Variants in PLEKHG5 observed in about 807,000 individuals in gnomAD.
The protein encoded by PLEKHG5 is pleckstrin homology domain-containing family G member 5.
A neutral mutation model predicts 103.8 loss-of-function variants in PLEKHG5; 52 were observed. That is an observed-to-expected ratio of 0.50 (90% CI 0.40 to 0.63). The LOEUF (loss-of-function observed/expected upper bound fraction) is 0.63, where lower values mean the gene tolerates loss of function less well. PLEKHG5 is among the 30% of genes least tolerant of loss of function. The pLI is 0.00. For missense variants in PLEKHG5, 1,205 were observed against 1,347.6 expected, an observed-to-expected ratio of 0.89 and a Z score of 1.66; for synonymous variants, 592 against 575.5, an observed-to-expected ratio of 1.03 and a Z score of -0.41.
At chr1:6,515,310 G>C (rs565708414) in intron 1 of PLEKHG5, among the ~76,000 whole-genome samples, 1 of 151,290 alleles carries the variant, frequency 6.6e-6, no homozygotes, top group Non-Finnish European at 1.5e-5. Flanking sequence ...GGCAGATCAC[G>C]AGGTCGAGAG....
intron 1 of PLEKHG5, 100 bp from the exon 2 acceptor site, chr1:6,477,758 C>T: frequency 7.5e-7 from 1 of 1,326,206 alleles, no homozygotes; most frequent in East Asian, 2.4e-5. Flanking sequence ...TGCCCTCCAT[C>T]TCTCGATCCA....
upstream of PLEKHG5, among the ~76,000 whole-genome samples, chr1:6,494,118 A>ATTTTTT (rs36105555): frequency 1.3e-5 from 1 of 75,740 alleles, no homozygotes; most frequent in African/African-American, 1.0e-4. Context: ...CACCTGGCTA[A>ATTTTTT]TTTTTTTTTT....
upstream of PLEKHG5, among the ~76,000 whole-genome samples, chr1:6,500,525 C>A (rs973542739): frequency 6.6e-6 from 1 of 151,466 alleles, no homozygotes; most frequent in Non-Finnish European, 1.5e-5. Context: ...TGAACTCCCC[C>A]CTCCGCTAAG....
chr1:6,480,438 G>A (rs1644869618), intron 1 of PLEKHG5, among the ~76,000 whole-genome samples: 1 of 151,494 alleles, frequency 6.6e-6, no homozygotes, highest in African/African-American at 2.4e-5. Flanking sequence ...GCTGAGGCAG[G>A]AGAATTGCTT....
rs200779049 is a variant in PLEKHG5 at position 6,477,509 on chromosome 1, C to A, written c.43+20G>T. Reference sequence around the variant, plus strand: ...CACAGGAGCTCTGGGGGCCGAGCTGCGGCTCCCGCCTGTGCTCACCTTGTG... The same window carrying A: ...CACAGGAGCTCTGGGGGCCGAGCTGAGGCTCCCGCCTGTGCTCACCTTGTG... On this transcript the variant is annotated intron_variant, in intron 2 of 20. Coordinates refer to ENST00000377728, the MANE Select transcript of PLEKHG5 (RefSeq NM_020631.6). 1.6e-4 allele frequency: 255 copies of A among 1,600,102 alleles called. No individual in the cohort carries two copies. The highest frequency in any genetic ancestry group is 5.0e-5 in the Admixed American group (3 of 59,832).
chr1:6,472,378 C>T lies in PLEKHG5; in HGVS notation c.1080+149G>A, dbSNP rs984456290. 148 of 691,308 alleles carry T rather than the reference C, an allele frequency of 2.1e-4. 2 individuals are homozygous for T. The highest frequency in any genetic ancestry group is 2.7e-4 in the Non-Finnish European group (103 of 385,458). 42.8% of individuals were successfully genotyped at this position (691,308 alleles called of 1,614,324 possible). A position where few individuals can be genotyped will look rare whatever the true frequency, so the allele number is the denominator to read the frequency against. On this transcript the variant is annotated intron_variant, in intron 10 of 20. Transcript: ENST00000377728. ...CCTCCCAGGTTCCTCTAGGAGGCACCTCCTCCCTGGGCGCAGCCCTTGTCT... is the reference window on the plus strand; with the variant it reads ...CCTCCCAGGTTCCTCTAGGAGGCACTTCCTCCCTGGGCGCAGCCCTTGTCT...
chr1:6,478,180 G>A (rs763880772), intron 1 of PLEKHG5, among the ~76,000 whole-genome samples: 2 of 151,568 alleles, frequency 1.3e-5, no homozygotes, highest in Non-Finnish European at 2.9e-5. Context: ...CACCGCGCCC[G>A]GCTTCTCCAT....
rs1195069930 is a variant in PLEKHG5 at position 6,468,190 on chromosome 1, G to A, written c.2646C>T (p.Leu882=). 6 of 1,571,574 alleles carry A rather than the reference G, an allele frequency of 3.8e-6. No individual in the cohort carries two copies. In the South Asian group the frequency reaches 7.1e-5, roughly 19 times the overall value. ...TGCCAGCCCCTGCCAGCAGCTGGAG[G>A]AGGCTGGCCTCGGACTTAGACTTGA... ...HLLKSKSEAS[L]LQLLAGAGTH... The change falls in exon 20 of 21, where the codon CTC becomes CTT. Residue 882 remains leucine (L), a synonymous_variant. Transcript: ENST00000377728.
chr1:6,485,034 A>G (rs1644992780), intron 1 of PLEKHG5, among the ~76,000 whole-genome samples: 1 of 152,136 alleles, frequency 6.6e-6, no homozygotes, highest in South Asian at 2.1e-4. Context: ...GCGGCCCAGC[A>G]TAGGGCCCGG....
intron 4 of PLEKHG5, 56 bp from the exon 5 acceptor site, chr1:6,475,194 G>GCCCTCCTCCCCACCCTCCTTCCCA (rs1644724921): frequency 3.1e-6 from 2 of 638,612 alleles, no homozygotes; most frequent in Non-Finnish European, 5.1e-6. Flanking sequence ...CCTCATTCCC[G>GCCCTCCTCCCCACCCTCCTTCCCA]CCCTCCTCCC....
chr1:6,474,300 C>T (rs1644692265), intron 6 of PLEKHG5, 136 bp from the exon 7 acceptor site: 1 of 1,326,150 alleles, frequency 7.5e-7, no homozygotes, highest in Non-Finnish European at 1.1e-6. Flanking sequence ...CAGCACCCTC[C>T]CCTCCCCCAG....
intron 1 of PLEKHG5, among the ~76,000 whole-genome samples, chr1:6,511,594 G>C (rs1638472789): frequency 6.6e-6 from 1 of 152,216 alleles, no homozygotes; most frequent in South Asian, 2.1e-4. Flanking sequence ...TGCCCAGACA[G>C]GCCTTTCTCC....
chr1:6,480,448 T>A (rs936414439), intron 1 of PLEKHG5, among the ~76,000 whole-genome samples: 3 of 151,140 alleles, frequency 2.0e-5, no homozygotes, highest in Non-Finnish European at 2.9e-5. Flanking sequence ...GAGAATTGCT[T>A]GAACCGGGGG....
chr1:6,471,780 T>G lies in PLEKHG5; in HGVS notation c.1109A>C (p.Gln370Pro). 1 of 1,610,492 alleles carries G rather than the reference T, an allele frequency of 6.2e-7. No homozygotes were observed. The highest frequency in any genetic ancestry group is 8.5e-7 in the Non-Finnish European group (1 of 1,178,648). Residue 370 changes from glutamine (Q) to proline (P), a missense_variant, in exon 11 of 21, where the codon CAA (glutamine) becomes CCA (proline). Gln to Pro is a moderately conservative substitution (Grantham distance 76, BLOSUM62 -1). Transcript: ENST00000377728. The stretch of plus-strand genomic sequence containing the variant: ...CACCTCACACAGCAGCCCTGACTCT[T>G]GCAGGTTCAGGAGGCAGCACAGGAA... ...NLFLCCLLNL[Q>P]ESGLLCEVEA...
intron 1 of PLEKHG5, among the ~76,000 whole-genome samples, chr1:6,504,876 C>T (rs895673186): frequency 4.6e-5 from 7 of 152,156 alleles, no homozygotes; most frequent in Non-Finnish European, 8.8e-5. Context: ...GCCTACACCT[C>T]CCTTTTCAAA....
upstream of PLEKHG5, among the ~76,000 whole-genome samples, chr1:6,499,359 C>G (rs1413104891): frequency 6.6e-6 from 1 of 152,194 alleles, no homozygotes; most frequent in Non-Finnish European, 1.5e-5. Context: ...CTGGTACTTC[C>G]TGGCACTGGG....
At chr1:6,512,367 C>A (rs78416075) in intron 1 of PLEKHG5, among the ~76,000 whole-genome samples, 3,679 of 152,316 alleles carry the variant, frequency 0.024, 112 homozygotes, top group African/African-American at 0.074. Flanking sequence ...CAGATGTGCC[C>A]CCTGACTTGG....
intron 1 of PLEKHG5, among the ~76,000 whole-genome samples, chr1:6,509,691 C>T (rs941972427): frequency 3.3e-5 from 5 of 152,296 alleles, no homozygotes; most frequent in Non-Finnish European, 7.4e-5. Flanking sequence ...GGGCAGCCCC[C>T]GGCAGGGGAG....
intron 1 of PLEKHG5, chr1:6,485,362 AG>A: frequency 7.0e-7 from 1 of 1,420,892 alleles, no homozygotes; most frequent in Non-Finnish European, 9.1e-7. Context: ...CCGGCCCAGG[AG>A]GGCTCCGAGT....
Sources: gnomAD v4.1 joint callset for allele counts (sites outside exome capture counted in the v4.1 genomes callset) on GRCh38, gnomAD v4.1.1 for gene constraint, MANE v1.5 for transcripts, NCBI Gene and HGNC (gene_info 2026-07-23, HGNC 2026-07-21) for gene names.